The following UBE2Z variants were observed in gnomAD, a reference collection of about 807,000 sequenced individuals.
UBE2Z encodes ubiquitin conjugating enzyme E2 Z.
A neutral mutation model predicts 32.6 loss-of-function variants in UBE2Z; 10 were observed. The ratio of observed to expected loss-of-function variants is 0.31; its 90% CI spans 0.19 to 0.52. UBE2Z has a LOEUF of 0.52. Ranked by LOEUF, UBE2Z falls within the 20% of genes least tolerant of loss-of-function variation. The pLI is 0.97. For missense variants in UBE2Z, 343 were observed against 480.9 expected (o/e 0.71, Z 2.68); for synonymous variants, 183 against 190.8 (o/e 0.96, Z 0.34).
rs1302637555 is a variant in UBE2Z at position 48,928,537 on chromosome 17, C to T, written c.*1403C>T. ...AGAGGATAGTGTGTACCTGCCCTGC[C>T]CTCTGCTATGAAGGTCTCTGCCTTG... is the stretch of plus-strand genomic sequence containing the variant. On this transcript the variant is annotated 3_prime_UTR_variant, in exon 7 of 7. Coordinates refer to ENST00000360943, the MANE Select transcript of UBE2Z (RefSeq NM_023079.5). 1 of 152,706 alleles carries T rather than the reference C, an allele frequency of 6.5e-6. No individual in the cohort carries two copies. The highest frequency in any genetic ancestry group is 1.9e-4 in the East Asian group (1 of 5,196). 9.5% of individuals were successfully genotyped at this position (152,706 alleles called of 1,614,324 possible).
At chr17:48,917,133 A>G (rs1283091505) in intron 4 of UBE2Z, among the ~76,000 whole-genome samples, 3 of 152,020 alleles carry the variant, frequency 2.0e-5, no homozygotes, top group African/African-American at 7.3e-5. Flanking sequence ...AGTGAAACCC[A>G]GTCTGTACTA....
chr17:48,921,272 G>T lies in UBE2Z; in HGVS notation c.803G>T (p.Arg268Leu). The change falls in exon 5 of 7, where the codon CGA (arginine) becomes CTA (leucine). Residue 268 changes from arginine to leucine, a missense_variant and splice_region_variant. This residue lies in a region of UBE2Z where 182 missense variants were observed against 312.4 expected (regional missense o/e 0.58). Coordinates refer to ENST00000360943, the MANE Select transcript of UBE2Z (RefSeq NM_023079.5). The part of the protein sequence containing the change: ...EGKCPCPEPL[R>L]GVMEKSFLEY... ...AAGTGTCCCTGTCCTGAACCCCTAC[G>T]GTATGTGTCAAGCGGGCTTGCTTGG... 1 of 1,608,526 alleles carries T rather than the reference G, an allele frequency of 6.2e-7. No individual in the cohort carries two copies. Among genetic ancestry groups the T allele is most frequent in the Non-Finnish European group, 8.5e-7 (1 of 1,177,298 alleles).
chr17:48,916,651 T>C (rs2040722464), intron 4 of UBE2Z, among the ~76,000 whole-genome samples: 1 of 151,676 alleles, frequency 6.6e-6, no homozygotes, highest in African/African-American at 2.4e-5. Context: ...CATTTGTTGG[T>C]ATAGGGAAAA....
chr17:48,925,100 CAG>C (rs2040788818), intron 6 of UBE2Z, among the ~76,000 whole-genome samples: 1 of 151,764 alleles, frequency 6.6e-6, no homozygotes, highest in African/African-American at 2.4e-5. Context: ...CTGGCCAACA[CAG>C]TGAAATCCTG....
chr17:48,908,942 C>T, intron 1 of UBE2Z, 122 bp downstream of exon 1: 1 of 766,440 alleles, frequency 1.3e-6, no homozygotes, highest in South Asian at 2.4e-5. Flanking sequence ...GGCCCACCTC[C>T]ACGGCCCAAA....
Position 48,926,949 on chromosome 17 carries a change from C to G in UBE2Z, c.895-15C>G. The G allele has an allele frequency of 6.2e-7, 1 of 1,608,474 alleles. No homozygotes were observed. Among genetic ancestry groups the G allele is most frequent in the East Asian group, 2.2e-5 (1 of 44,804 alleles). ...AGACTTGAATCTTCCATCCCCTTGT[C>G]TCCTTTCCCCACAGGACCCTTTTGG... On this transcript the variant is annotated splice_polypyrimidine_tract_variant and intron_variant, in intron 6 of 6. Coordinates refer to ENST00000360943, the MANE Select transcript of UBE2Z (RefSeq NM_023079.5).
intron 5 of UBE2Z, among the ~76,000 whole-genome samples, chr17:48,921,984 C>A (rs1451626401): frequency 6.6e-6 from 1 of 152,074 alleles, no homozygotes; most frequent in Non-Finnish European, 1.5e-5. Context: ...GCTGTGATGA[C>A]ACCACTGCAC....
intron 6 of UBE2Z, among the ~76,000 whole-genome samples, chr17:48,923,631 A>AAGAAACAATGTCAC (rs76585013): frequency 2.6e-5 from 4 of 151,568 alleles, no homozygotes; most frequent in East Asian, 1.9e-4. Flanking sequence ...TCAAAAAAAA[A>AAGAAACAATGTCAC]AGCTAAAAGC....
At chr17:48,914,129 C>T (rs927099941) in intron 3 of UBE2Z, among the ~76,000 whole-genome samples, 1 of 152,124 alleles carries the variant, frequency 6.6e-6, no homozygotes, top group African/African-American at 2.4e-5. Context: ...CTGGATGCTT[C>T]TGAGGTTTTG....
At chr17:48,923,733 C>CTT (rs542975589) in intron 6 of UBE2Z, among the ~76,000 whole-genome samples, 58 of 140,222 alleles carry the variant, frequency 4.1e-4, no homozygotes, top group Middle Eastern at 3.6e-3. Context: ...TCAGTAGCCT[C>CTT]TTTTTTTTTT....
chr17:48,913,052 G>T, intron 3 of UBE2Z, 31 bp downstream of exon 3: 2 of 1,603,208 alleles, frequency 1.2e-6, no homozygotes, highest in Non-Finnish European at 1.7e-6. Flanking sequence ...AGCCAAGTCG[G>T]TTGTTAGCAG....
chr17:48,913,819 T>G (rs1432880123), intron 3 of UBE2Z, among the ~76,000 whole-genome samples: 1 of 152,220 alleles, frequency 6.6e-6, no homozygotes, highest in African/African-American at 2.4e-5. Context: ...AGTCTTGCAA[T>G]AAGTTGCTTT....
At chr17:48,924,683 T>C (rs1489695094) in intron 6 of UBE2Z, among the ~76,000 whole-genome samples, 1 of 151,404 alleles carries the variant, frequency 6.6e-6, no homozygotes, top group Non-Finnish European at 1.5e-5. Flanking sequence ...CCATCTCTAC[T>C]AAAAATACAA....
At chr17:48,914,517 C>T (rs2040705402) in intron 3 of UBE2Z, among the ~76,000 whole-genome samples, 1 of 152,144 alleles carries the variant, frequency 6.6e-6, no homozygotes, top group Non-Finnish European at 1.5e-5. Context: ...TGCTGGTAGG[C>T]TAAAACCCAT....
At chr17:48,912,638 A>T in intron 2 of UBE2Z, 196 bp from the exon 3 acceptor site, 1 of 580,116 alleles carries the variant, frequency 1.7e-6, no homozygotes, top group Non-Finnish European at 3.0e-6. Flanking sequence ...TTCCACTGTA[A>T]TGAGATTTCT....
rs1477837775 is a variant in UBE2Z at position 48,929,011 on chromosome 17, T to A, written c.*1877T>A. ...CTGTATATAAATGAAGTTTTTTTGT[T>A]TTTTTTGTTTTCCTTTTTGGTGCAA... On this transcript the variant is annotated 3_prime_UTR_variant, in exon 7 of 7. Transcript: ENST00000360943. 2.6e-5 allele frequency: 4 copies of A among 152,580 alleles called. No homozygotes were observed. The highest frequency in any genetic ancestry group is 5.9e-5 in the Non-Finnish European group (4 of 68,040). The allele number at this position is 152,580 out of a possible 1,614,324, so 9.5% of individuals were successfully genotyped here.
In UBE2Z at chr17:48,910,802, A is replaced by C. The variant is rs1031418158; in HGVS notation, c.318-6A>C. ...CCTTCCCCCACCTCCTCTTGGTGTTATACAGGGATATCATGTCCATTTATA... is the reference window on the plus strand; with the variant it reads ...CCTTCCCCCACCTCCTCTTGGTGTTCTACAGGGATATCATGTCCATTTATA... On this transcript the variant is annotated splice_region_variant and splice_polypyrimidine_tract_variant and intron_variant, in intron 1 of 6. Transcript: ENST00000360943. The C allele has an allele frequency of 1.2e-6, 2 of 1,609,426 alleles. No individual in the cohort carries two copies. The highest frequency in any genetic ancestry group is 1.7e-6 in the Non-Finnish European group (2 of 1,176,040).
At chr17:48,921,389 T>G in intron 5 of UBE2Z, 117 bp downstream of exon 5, 1 of 765,834 alleles carries the variant, frequency 1.3e-6, no homozygotes, top group Non-Finnish European at 2.1e-6. Flanking sequence ...AAAGATGTGG[T>G]TCCTGCTTTT....
chr17:48,911,315 A>G (rs2040675232), intron 2 of UBE2Z: 1 of 172,108 alleles, frequency 5.8e-6, no homozygotes, highest in Non-Finnish European at 1.3e-5. Context: ...GCTTGACTGA[A>G]GTGTTTGTGG....
Sources: allele counts gnomAD v4.1 joint callset (sites outside exome capture counted in the v4.1 genomes callset), GRCh38; gene constraint gnomAD v4.1.1; regional missense constraint gnomAD v4.1.1; transcripts MANE v1.5; gene names NCBI Gene and HGNC (gene_info 2026-07-23, HGNC 2026-07-21).